WDPCP: variants seen among roughly 807,000 people sequenced by gnomAD.
WDPCP encodes WD repeat-containing and planar cell polarity effector protein fritz homolog.
In WDPCP, 71 loss-of-function variants were observed where a neutral mutation model predicts 93.1. The ratio of observed to expected loss-of-function variants is 0.76; its 90% confidence interval spans 0.63 to 0.93. The LOEUF (loss-of-function observed/expected upper bound fraction) is 0.93. WDPCP is among the 40% of genes least tolerant of loss of function. The probability of loss-of-function intolerance (pLI) is 0.00; values close to 1 mark genes in which losing one functional copy is unlikely to be tolerated. For synonymous variants in WDPCP, 315 were observed against 315.0 expected, an observed-to-expected ratio of 1.00 and a Z score of 0.00; for missense variants, 844 against 887.4, an observed-to-expected ratio of 0.95 and a Z score of 0.62.
At chr2:63,696,653 G>A (rs926886491) in intron 2 of WDPCP, among the ~76,000 whole-genome samples, 2 of 152,214 alleles carry the variant, frequency 1.3e-5, no homozygotes, top group African/African-American at 4.8e-5. Flanking sequence ...AGCCCACGTG[G>A]CTGAGACACC....
chr2:63,721,925 T>G (rs1219217031), intron 2 of WDPCP, among the ~76,000 whole-genome samples: 2 of 152,176 alleles, frequency 1.3e-5, no homozygotes, highest in Non-Finnish European at 2.9e-5. Context: ...GAGATGGGGT[T>G]TCGCTGTGTT....
intron 2 of WDPCP, among the ~76,000 whole-genome samples, chr2:63,783,655 G>A (rs994942132): frequency 1.2e-4 from 18 of 152,152 alleles, no homozygotes; most frequent in Non-Finnish European, 2.2e-4. Flanking sequence ...ATTATCTTAA[G>A]TGAAATGACT....
At chr2:63,769,648 A>G (rs757735260) in intron 2 of WDPCP, among the ~76,000 whole-genome samples, 1 of 151,890 alleles carries the variant, frequency 6.6e-6, no homozygotes, top group Non-Finnish European at 1.5e-5. Context: ...TAATTCAACA[A>G]GCAAGAACTA....
intron 10 of WDPCP, among the ~76,000 whole-genome samples, chr2:63,388,840 G>A (rs1169033574): frequency 6.6e-6 from 1 of 151,946 alleles, no homozygotes; most frequent in African/African-American, 2.4e-5. Context: ...GAGAAGACAA[G>A]GTTGGAGAAA....
chr2:63,247,904 C>T (rs1379021417), intron 14 of WDPCP, among the ~76,000 whole-genome samples: 6 of 151,670 alleles, frequency 4.0e-5, no homozygotes, highest in African/African-American at 1.5e-4. Context: ...ATTCCCTTCT[C>T]ATTTCCTTTT....
intron 12 of WDPCP, among the ~76,000 whole-genome samples, chr2:63,372,427 A>C (rs2104790079): frequency 1.3e-5 from 2 of 152,270 alleles, no homozygotes; most frequent in South Asian, 4.1e-4. Context: ...AGTGCTTGGC[A>C]TGTAGTACTC....
intron 1 of WDPCP, among the ~76,000 whole-genome samples, chr2:63,514,593 A>G (rs948961231): frequency 6.6e-6 from 1 of 152,182 alleles, no homozygotes; most frequent in African/African-American, 2.4e-5. Context: ...AAAAATAGGT[A>G]CAAAACTGCT....
chr2:63,301,275 T>C (rs1224208894), intron 13 of WDPCP, among the ~76,000 whole-genome samples: 1 of 152,222 alleles, frequency 6.6e-6, no homozygotes, highest in Non-Finnish European at 1.5e-5. Context: ...ATTTTAGTCT[T>C]GATACTGTCC....
chr2:63,412,146 C>G (rs2105272817), intron 9 of WDPCP, among the ~76,000 whole-genome samples: 1 of 152,278 alleles, frequency 6.6e-6, no homozygotes, highest in South Asian at 2.1e-4. Flanking sequence ...TAATAGCTAA[C>G]TGAATCCAAT....
chr2:63,770,393 A>G (rs1175134420), intron 2 of WDPCP, among the ~76,000 whole-genome samples: 7 of 151,980 alleles, frequency 4.6e-5, no homozygotes, highest in African/African-American at 1.7e-4. Context: ...TCATGAAAAG[A>G]GTACCAAATT....
At chr2:63,294,594 TGAA>T (rs1406553069) in intron 13 of WDPCP, among the ~76,000 whole-genome samples, 2 of 145,176 alleles carry the variant, frequency 1.4e-5, no homozygotes, top group African/African-American at 5.1e-5. Context: ...CCTTCAAAAG[TGAA>T]GAAGAAATTG....
At chr2:63,734,727 G>T (rs1279803064) in intron 2 of WDPCP, among the ~76,000 whole-genome samples, 1 of 152,210 alleles carries the variant, frequency 6.6e-6, no homozygotes, top group African/African-American at 2.4e-5. Flanking sequence ...ATGAAAGAAA[G>T]GAGCTGGATA....
intron 2 of WDPCP, among the ~76,000 whole-genome samples, chr2:63,810,498 G>A (rs1242909728): frequency 6.6e-6 from 1 of 152,224 alleles, no homozygotes; most frequent in Non-Finnish European, 1.5e-5. Context: ...AGGAAGGAGT[G>A]ACAGAAAGGG....
intron 15 of WDPCP, among the ~76,000 whole-genome samples, chr2:63,161,881 G>A (rs1417315481): frequency 3.3e-5 from 5 of 151,254 alleles, no homozygotes; most frequent in Non-Finnish European, 4.4e-5. Flanking sequence ...CTCCTGCCTC[G>A]GCCTCCTGAG....
At position 63,588,068 on chromosome 2, in the gene WDPCP, G is replaced by T. The variant is rs555089030; in HGVS notation, c.75+129C>A. 719 of 1,164,290 alleles carry T rather than the reference G, an allele frequency of 6.2e-4. 1 individual carries two copies. The highest frequency in any genetic ancestry group is 8.1e-4 in the Non-Finnish European group (649 of 797,428). 72.1% of individuals were successfully genotyped at this position (1,164,290 alleles called of 1,614,324 possible). A position where few individuals can be genotyped will look rare whatever the true frequency, so the allele number is the denominator to read the frequency against. ...TGCATTCCCACAGCCCTCATACTCC[G>T]CTCAGAAAAGGGACCGGCGAGCTTG... On this transcript the variant is annotated intron_variant, in intron 1 of 17. Coordinates refer to ENST00000272321, the MANE Select transcript of WDPCP (RefSeq NM_015910.7).
At chr2:63,779,182 C>T (rs1032560750) in intron 2 of WDPCP, among the ~76,000 whole-genome samples, 1 of 152,108 alleles carries the variant, frequency 6.6e-6, no homozygotes, top group Non-Finnish European at 1.5e-5. Context: ...AACTAAGCAA[C>T]AAAATACTTT....
At chr2:63,721,478 T>C (rs1669411566) in intron 2 of WDPCP, among the ~76,000 whole-genome samples, 2 of 152,202 alleles carry the variant, frequency 1.3e-5, no homozygotes. Flanking sequence ...TCTTCCTCCC[T>C]GTACCCCTCT....
intron 17 of WDPCP, among the ~76,000 whole-genome samples, chr2:63,133,325 C>T (rs1372321130): frequency 2.6e-5 from 4 of 152,196 alleles, no homozygotes; most frequent in Non-Finnish European, 4.4e-5. Flanking sequence ...TAAGGCCATG[C>T]TTGTCTCCTA....
intron 1 of WDPCP, among the ~76,000 whole-genome samples, chr2:63,573,959 C>T (rs996553339): frequency 2.6e-5 from 4 of 152,256 alleles, no homozygotes; most frequent in African/African-American, 4.8e-5. Context: ...CTTATTAGGA[C>T]GAGGAAATTC....
Sources: allele counts gnomAD v4.1 joint callset (sites outside exome capture counted in the v4.1 genomes callset), GRCh38; gene constraint gnomAD v4.1.1; transcripts MANE v1.5; gene names NCBI Gene and HGNC (gene_info 2026-07-23, HGNC 2026-07-21).